The following MEGF10 variants were observed in gnomAD, a reference collection of about 807,000 sequenced individuals.
MEGF10 encodes the protein multiple epidermal growth factor-like domains protein 10.
In MEGF10, 86 loss-of-function variants were observed where a neutral mutation model predicts 147.5. The observed-to-expected ratio is 0.58, with a 90% CI of 0.49 to 0.70. The LOEUF (loss-of-function observed/expected upper bound fraction) is 0.70. Ranked by LOEUF, MEGF10 falls within the 30% of genes least tolerant of loss-of-function variation. The pLI, the probability that MEGF10 is intolerant of heterozygous loss-of-function variation, is 0.00. For synonymous variants in MEGF10, 478 were observed against 525.5 expected, an observed-to-expected ratio of 0.91 and a Z score of 1.24; for missense variants, 1,329 against 1,487.3, an observed-to-expected ratio of 0.89 and a Z score of 1.75.
At chr5:127,315,197 A>T (rs1760470510) in intron 1 of MEGF10, among the ~76,000 whole-genome samples, 1 of 152,182 alleles carries the variant, frequency 6.6e-6, no homozygotes. Context: ...TTGCCCTTAA[A>T]GAGTTATCAG....
chr5:127,254,365 C>A, the MEGF10 span, among the ~76,000 whole-genome samples: 1 of 152,116 alleles, frequency 6.6e-6, no homozygotes, highest in Non-Finnish European at 1.5e-5. Context: ...AGGTGAGTCT[C>A]ACAATATTCT....
chr5:127,362,335 T>TG (rs1365819476), intron 4 of MEGF10, among the ~76,000 whole-genome samples: 1 of 150,910 alleles, frequency 6.6e-6, no homozygotes, highest in African/African-American at 2.4e-5. Context: ...AGTATGGTTT[T>TG]TTTTTTTTTT....
At chr5:127,384,739 T>TCTCC (rs1273498254) in intron 5 of MEGF10, among the ~76,000 whole-genome samples, 2 of 152,218 alleles carry the variant, frequency 1.3e-5, no homozygotes, top group African/African-American at 4.8e-5. Flanking sequence ...CTCTGTCAGC[T>TCTCC]CTCCAGAGGG....
At chr5:127,425,532 TA>T (rs1184433582) in intron 13 of MEGF10, among the ~76,000 whole-genome samples, 1 of 152,106 alleles carries the variant, frequency 6.6e-6, no homozygotes, top group Admixed American at 6.5e-5. Flanking sequence ...AATTACAGAA[TA>T]CACTTGGTAT....
the MEGF10 span, among the ~76,000 whole-genome samples, chr5:127,255,623 T>C: frequency 6.6e-6 from 1 of 152,114 alleles, no homozygotes; most frequent in Non-Finnish European, 1.5e-5. Flanking sequence ...TTCAATACAA[T>C]GGATAGAGCT....
intron 1 of MEGF10, among the ~76,000 whole-genome samples, chr5:127,323,886 C>T (rs140028789): frequency 2.5e-3 from 383 of 152,304 alleles, no homozygotes; most frequent in African/African-American, 8.8e-3. Flanking sequence ...CAGTTCCTTA[C>T]TGTGTTGGTC....
chr5:127,249,745 T>C, the MEGF10 span, among the ~76,000 whole-genome samples: 5 of 152,110 alleles, frequency 3.3e-5, no homozygotes. Flanking sequence ...TCCCTGAGAC[T>C]GGGTAATTTA....
intron 5 of MEGF10, among the ~76,000 whole-genome samples, chr5:127,390,408 G>A (rs898257996): frequency 1.3e-5 from 2 of 152,024 alleles, no homozygotes; most frequent in South Asian, 4.2e-4. Context: ...TGCCACCTTA[G>A]CCTCCTGAGT....
At chr5:127,332,103 G>T (rs1240170137) in intron 2 of MEGF10, among the ~76,000 whole-genome samples, 1 of 151,872 alleles carries the variant, frequency 6.6e-6, no homozygotes, top group Non-Finnish European at 1.5e-5. Context: ...GTAATGTCTA[G>T]ATATGAGCAA....
intron 9 of MEGF10, 94 bp from the exon 10 acceptor site, chr5:127,417,544 A>G: frequency 3.3e-6 from 4 of 1,207,064 alleles, no homozygotes; most frequent in Non-Finnish European, 4.9e-6. Flanking sequence ...AATTACCCAC[A>G]CATTTAGTGA....
chr5:127,274,396 A>G, the MEGF10 span, among the ~76,000 whole-genome samples: 1 of 152,134 alleles, frequency 6.6e-6, no homozygotes, highest in African/African-American at 2.4e-5. Flanking sequence ...AGGTGTGATA[A>G]AGGTATCATG....
intron 22 of MEGF10, among the ~76,000 whole-genome samples, chr5:127,450,754 GTTTTGT>G (rs1043027735): frequency 5.3e-5 from 8 of 151,704 alleles, no homozygotes; most frequent in East Asian, 1.9e-4. Context: ...GTTTTGTTTT[GTTTTGT>G]TTTTGTTTTT....
At chr5:127,322,104 TAA>T (rs1474262171) in intron 1 of MEGF10, among the ~76,000 whole-genome samples, 2 of 151,026 alleles carry the variant, frequency 1.3e-5, no homozygotes, top group Non-Finnish European at 2.9e-5. Context: ...TGCTTTAGGT[TAA>T]AAGAAAAAAA....
rs1284176880 is a variant in MEGF10 at position 127,407,453 on chromosome 5, C to T, written c.918-2936C>T. Among the ~76,000 whole-genome samples the T allele has an allele frequency of 3.9e-5, 6 of 152,074 alleles. No homozygotes were observed. The South Asian group carries it at 6.2e-4, about 16-fold the overall frequency. On this transcript the variant is annotated intron_variant, in intron 8 of 24. Transcript: ENST00000503335. ...AACAATATTAAAACCAGTCTATGAC[C>T]CTCACTGGTTTTGGGAATTGATGTG...
At chr5:127,320,045 T>C (rs1251739614) in intron 1 of MEGF10, among the ~76,000 whole-genome samples, 1 of 152,170 alleles carries the variant, frequency 6.6e-6, no homozygotes, top group East Asian at 1.9e-4. Context: ...AAGGCTATGT[T>C]CACACAAAAG....
At chr5:127,424,522 C>T (rs1765145251) in intron 13 of MEGF10, 1 of 1,440,630 alleles carries the variant, frequency 6.9e-7, no homozygotes, top group Non-Finnish European at 9.0e-7. Flanking sequence ...CACCAGCAAC[C>T]TCTTCAGTAG....
chr5:127,332,665 C>CAA (rs1431085852), intron 2 of MEGF10, among the ~76,000 whole-genome samples: 1 of 152,026 alleles, frequency 6.6e-6, no homozygotes, highest in Non-Finnish European at 1.5e-5. Flanking sequence ...TAATAAAGTT[C>CAA]TATATATTTG....
intron 12 of MEGF10, 142 bp from the exon 13 acceptor site, chr5:127,422,528 A>T: frequency 1.6e-6 from 1 of 625,956 alleles, no homozygotes; most frequent in Non-Finnish European, 2.8e-6. Context: ...AAAAAGAAAA[A>T]AATAAATAAA....
intron 13 of MEGF10, 50 bp from the exon 14 acceptor site, chr5:127,433,313 A>G (rs748202604): frequency 3.1e-6 from 5 of 1,613,024 alleles, no homozygotes; most frequent in Non-Finnish European, 4.2e-6. Flanking sequence ...GCATCTGCGG[A>G]AACTCCGCAC....
Sources: gnomAD v4.1 joint callset for allele counts (sites outside exome capture counted in the v4.1 genomes callset) on GRCh38, gnomAD v4.1.1 for gene constraint, MANE v1.5 for transcripts, NCBI Gene and HGNC (gene_info 2026-07-23, HGNC 2026-07-21) for gene names.